HRH1: variants seen among roughly 807,000 people sequenced by gnomAD.
The protein encoded by HRH1 is histamine H1 receptor.
HRH1 carries 6 observed loss-of-function variants against 10.3 expected under a neutral mutation model. That is an observed-to-expected ratio of 0.58 (90% CI 0.32 to 1.15). The LOEUF (loss-of-function observed/expected upper bound fraction) is 1.15. Ranked by LOEUF, HRH1 falls within the 50% of genes most tolerant of loss-of-function variation. The probability of loss-of-function intolerance (pLI) is 0.05; values close to 1 mark genes in which losing one functional copy is unlikely to be tolerated. For synonymous variants in HRH1, 242 were observed against 236.7 expected (o/e 1.02, Z -0.21); for missense variants, 514 against 615.3 (o/e 0.84, Z 1.74).
intron 1 of HRH1, among the ~76,000 whole-genome samples, chr3:11,233,777 A>T (rs1939103620): frequency 6.6e-6 from 1 of 152,194 alleles, no homozygotes; most frequent in Non-Finnish European, 1.5e-5. Context: ...GTTTGCAGAA[A>T]TCGTATCTGA....
intron 1 of HRH1, among the ~76,000 whole-genome samples, chr3:11,211,156 C>G (rs1186895771): frequency 6.6e-6 from 1 of 152,186 alleles, no homozygotes; most frequent in Non-Finnish European, 1.5e-5. Flanking sequence ...TTAGAAATAA[C>G]AAGAGAAGGG....
intron 1 of HRH1, chr3:11,225,969 C>T (rs1938868916): frequency 6.6e-6 from 1 of 152,358 alleles, no homozygotes; most frequent in African/African-American, 2.4e-5. Context: ...GAAGTGACAT[C>T]AGAACTGGGT....
chr3:11,214,040 T>C (rs1938413824), intron 1 of HRH1, among the ~76,000 whole-genome samples: 1 of 151,242 alleles, frequency 6.6e-6, no homozygotes, highest in African/African-American at 2.4e-5. Context: ...GTGGGGTTTG[T>C]GGAAGGGTGG....
At chr3:11,214,872 G>A (rs994157520) in intron 1 of HRH1, among the ~76,000 whole-genome samples, 1 of 152,250 alleles carries the variant, frequency 6.6e-6, no homozygotes, top group Non-Finnish European at 1.5e-5. Context: ...AAAATCTGGT[G>A]ATGGGTTCAT....
At chr3:11,258,932 G>A (rs936748005) in intron 1 of HRH1, 71 bp from the exon 2 acceptor site, 4 of 1,096,618 alleles carry the variant, frequency 3.6e-6, no homozygotes, top group Non-Finnish European at 5.2e-6. Context: ...CCAGTCTGAT[G>A]AACATCATGC....
chr3:11,211,918 G>A lies in HRH1; in HGVS notation c.-35-47085G>A, dbSNP rs150968997. On this transcript the variant is annotated intron_variant, in intron 1 of 1. Coordinates refer to ENST00000431010, the MANE Select transcript of HRH1 (RefSeq NM_001098212.2). Reference sequence around the variant, plus strand: ...AATCATTGGAGGTTCTCTATTTGAAGTGCAGTGTCCGGGCTTCCTCCCAGA... The same window carrying A: ...AATCATTGGAGGTTCTCTATTTGAAATGCAGTGTCCGGGCTTCCTCCCAGA... 2.8e-3 allele frequency among the ~76,000 whole-genome samples: 429 copies of A among 152,336 alleles called. 1 individual carries two copies. The highest frequency in any genetic ancestry group is 5.4e-3 in the Non-Finnish European group (364 of 68,030).
At chr3:11,219,950 G>GTTTTTTT (rs552227637) in intron 1 of HRH1, among the ~76,000 whole-genome samples, 2 of 110,354 alleles carry the variant, frequency 1.8e-5, no homozygotes, top group Admixed American at 8.5e-5. Context: ...TTAATGTGTT[G>GTTTTTTT]TTTTTTTTTT....
chr3:11,151,524 G>T (rs540744322), upstream of HRH1, among the ~76,000 whole-genome samples: 2 of 152,128 alleles, frequency 1.3e-5, no homozygotes, highest in South Asian at 4.2e-4. Flanking sequence ...GTGGGTACAG[G>T]GTCTTGGTCT....
intron 1 of HRH1, among the ~76,000 whole-genome samples, chr3:11,176,137 C>G (rs1034072064): frequency 6.7e-6 from 1 of 149,272 alleles, no homozygotes; most frequent in Non-Finnish European, 1.5e-5. Context: ...CCACTGCACT[C>G]CAGCCTGGAT....
chr3:11,184,252 C>T (rs866743089), intron 1 of HRH1, among the ~76,000 whole-genome samples: 17 of 152,120 alleles, frequency 1.1e-4, no homozygotes, highest in African/African-American at 3.1e-4. Flanking sequence ...CATATATTAA[C>T]GCAGTTAATC....
chr3:11,245,254 G>A (rs911916335), intron 1 of HRH1, among the ~76,000 whole-genome samples: 12 of 152,088 alleles, frequency 7.9e-5, no homozygotes, highest in South Asian at 2.1e-4. Flanking sequence ...TCAGGAGGCC[G>A]AGGCAGGGGA....
chr3:11,181,184 G>A (rs1574992724), intron 1 of HRH1, among the ~76,000 whole-genome samples: 2 of 152,278 alleles, frequency 1.3e-5, no homozygotes, highest in Admixed American at 1.3e-4. Flanking sequence ...TCAGGAGGCT[G>A]AGAGGCAGGA....
At chr3:11,184,389 T>C (rs1559263241) in intron 1 of HRH1, among the ~76,000 whole-genome samples, 1 of 152,146 alleles carries the variant, frequency 6.6e-6, no homozygotes, top group Non-Finnish European at 1.5e-5. Flanking sequence ...AAGCGGAATC[T>C]GAACGCAGGC....
upstream of HRH1, among the ~76,000 whole-genome samples, chr3:11,150,957 T>C (rs1050145986): frequency 3.3e-5 from 5 of 152,240 alleles, no homozygotes; most frequent in African/African-American, 1.2e-4. Context: ...AGAGGACATC[T>C]GTGTTCTTGC....
intron 1 of HRH1, among the ~76,000 whole-genome samples, chr3:11,232,269 A>T (rs112812764): frequency 0.031 from 4,781 of 152,286 alleles, 258 homozygotes; most frequent in African/African-American, 0.11. Flanking sequence ...TACAGGCATG[A>T]GCCACGGTGC....
intron 1 of HRH1, among the ~76,000 whole-genome samples, chr3:11,204,857 G>A (rs1013311966): frequency 6.6e-6 from 1 of 152,160 alleles, no homozygotes; most frequent in Non-Finnish European, 1.5e-5. Flanking sequence ...GATGTACCAG[G>A]TGCAGTCCCC....
chr3:11,217,571 T>G (rs1328397740), intron 1 of HRH1, among the ~76,000 whole-genome samples: 1 of 151,910 alleles, frequency 6.6e-6, no homozygotes, highest in African/African-American at 2.4e-5. Context: ...TGCCAGGGGT[T>G]GAGGGAGGGA....
rs2067466 is a variant in HRH1, at chr3:11,259,094, G to C, written c.57G>C (p.Lys19Asn). 7,456 of 1,613,478 alleles carry C rather than the reference G, an allele frequency of 4.6e-3. 24 individuals are homozygous for C. Among genetic ancestry groups the C allele is most frequent in the Middle Eastern group, 5.3e-3 (32 of 6,052 alleles). ...AAGACAAGATGTGTGAGGGCAACAAGACCACTATGGCCAGCCCCCAGCTGA... is the reference window on the plus strand; with the variant it reads ...AAGACAAGATGTGTGAGGGCAACAACACCACTATGGCCAGCCCCCAGCTGA... The part of the protein sequence containing the change: ...LLEDKMCEGN[K>N]TTMASPQLMP... Residue 19 changes from lysine to asparagine, a missense_variant, in exon 2 of 2, where the codon AAG (lysine) becomes AAC (asparagine). Coordinates refer to ENST00000431010, the MANE Select transcript of HRH1 (RefSeq NM_001098212.2). The surrounding 1 kb of genome is among the most constrained non-coding windows in gnomAD (Gnocchi z 4.6).
intron 1 of HRH1, among the ~76,000 whole-genome samples, chr3:11,213,359 C>T (rs1938388688): frequency 6.6e-6 from 1 of 152,176 alleles, no homozygotes; most frequent in Non-Finnish European, 1.5e-5. Flanking sequence ...CCTTGGGCTC[C>T]TTAGCATCTC....
Sources: allele counts gnomAD v4.1 joint callset (sites outside exome capture counted in the v4.1 genomes callset), GRCh38; gene constraint gnomAD v4.1.1; non-coding constraint Gnocchi (gnomAD v3.1); transcripts MANE v1.5; gene names NCBI Gene and HGNC (gene_info 2026-07-23, HGNC 2026-07-21).